Variants in UGT2B11 observed in about 807,000 individuals in gnomAD.
UGT2B11 encodes UDP-glucuronosyltransferase 2B11.
UGT2B11 carries 49 observed loss-of-function variants against 51.7 expected under a neutral mutation model. The ratio of observed to expected loss-of-function variants is 0.95; its 90% CI spans 0.75 to 1.20. UGT2B11 has a LOEUF of 1.20. UGT2B11 is among the 50% of genes most tolerant of loss of function. The pLI is 0.00. For missense variants in UGT2B11, 810 were observed against 622.1 expected, an observed-to-expected ratio of 1.30 and a Z score of -3.21; for synonymous variants, 273 against 209.0, an observed-to-expected ratio of 1.31 and a Z score of -2.64.
intron 5 of UGT2B11, among the ~76,000 whole-genome samples, chr4:69,201,010 T>A (rs1008328954): frequency 6.6e-6 from 1 of 151,776 alleles, no homozygotes; most frequent in African/African-American, 2.4e-5. Context: ...TGTTTAATGT[T>A]AAGTTTTTGT....
At chr4:69,211,425 A>C (rs1197603308) in intron 2 of UGT2B11, among the ~76,000 whole-genome samples, 1 of 151,548 alleles carries the variant, frequency 6.6e-6, no homozygotes, top group African/African-American at 2.4e-5. Flanking sequence ...TTGCAAGAGA[A>C]TATAACCTTG....
At chr4:69,204,840 C>G (rs1240695391) in intron 4 of UGT2B11, among the ~76,000 whole-genome samples, 191 bp from the exon 5 acceptor site, 1 of 151,700 alleles carries the variant, frequency 6.6e-6, no homozygotes, top group South Asian at 2.1e-4. Context: ...TGTGTGACTT[C>G]AGACTGCAAA....
upstream of UGT2B11, chr4:69,214,789 T>C (rs1272511898): frequency 1.3e-6 from 2 of 1,545,190 alleles, no homozygotes; most frequent in Non-Finnish European, 1.7e-6. Context: ...CAGAGATAAA[T>C]CAATCAAGTT....
intron 3 of UGT2B11, among the ~76,000 whole-genome samples, chr4:69,206,366 CAT>C (rs1306657310): frequency 2.6e-5 from 4 of 151,588 alleles, no homozygotes; most frequent in African/African-American, 9.7e-5. Flanking sequence ...AGGAAACTAA[CAT>C]AGGAATTGAA....
intron 3 of UGT2B11, among the ~76,000 whole-genome samples, chr4:69,207,310 T>A (rs1318117676): frequency 6.6e-6 from 1 of 151,606 alleles, no homozygotes; most frequent in Admixed American, 6.6e-5. Context: ...TAATTTGCAG[T>A]GTTTAACTTT....
upstream of UGT2B11, chr4:69,215,837 A>G (rs1470271685): frequency 6.6e-6 from 1 of 151,498 alleles, no homozygotes; most frequent in Non-Finnish European, 1.5e-5. Flanking sequence ...ACACACTCCA[A>G]CAGACCCAAA....
At chr4:69,221,267 T>G in the UGT2B11 span, among the ~76,000 whole-genome samples, 1 of 152,196 alleles carries the variant, frequency 6.6e-6, no homozygotes, top group African/African-American at 2.4e-5. Context: ...GTTTTTGTAT[T>G]CCTAGAATTG....
At chr4:69,220,988 T>C in the UGT2B11 span, among the ~76,000 whole-genome samples, 5 of 152,204 alleles carry the variant, frequency 3.3e-5, no homozygotes, top group African/African-American at 1.2e-4. Context: ...AGGTTATGCC[T>C]CCAATTCCAG....
chr4:69,223,144 G>A, the UGT2B11 span, among the ~76,000 whole-genome samples: 1 of 152,296 alleles, frequency 6.6e-6, no homozygotes, highest in Admixed American at 6.5e-5. Flanking sequence ...TCCCTCAGGG[G>A]ACCACGTTTC....
chr4:69,219,713 A>T (rs1722364228), upstream of UGT2B11, among the ~76,000 whole-genome samples: 1 of 151,880 alleles, frequency 6.6e-6, no homozygotes, highest in Non-Finnish European at 1.5e-5. Flanking sequence ...AGATCTCAAG[A>T]CACTTATTCA....
rs1721605820 is a variant in UGT2B11 at position 69,200,406 on chromosome 4, T to A, written c.*34A>T. The A allele has an allele frequency of 6.3e-7, 1 of 1,582,416 alleles. No homozygotes were observed. Among genetic ancestry groups the A allele is most frequent in the African/African-American group, 1.4e-5 (1 of 73,710 alleles). ...TGGAATAAACTGAAGTTGTCCTATC[T>A]ATCTGGTTTTCCAGCTTCAAATGTC... is the stretch of plus-strand genomic sequence containing the variant. On this transcript the variant is annotated 3_prime_UTR_variant, in exon 6 of 6. Coordinates refer to ENST00000446444, the MANE Select transcript of UGT2B11 (RefSeq NM_001073.3).
intron 3 of UGT2B11, among the ~76,000 whole-genome samples, chr4:69,207,546 C>A (rs1721905847): frequency 6.6e-6 from 1 of 151,626 alleles, no homozygotes; most frequent in Admixed American, 6.6e-5. Flanking sequence ...CCTATATTTC[C>A]TTCTGCTGCC....
chr4:69,203,806 A>G (rs1361242458), intron 5 of UGT2B11, among the ~76,000 whole-genome samples: 1 of 151,710 alleles, frequency 6.6e-6, no homozygotes, highest in Non-Finnish European at 1.5e-5. Context: ...TAACTTATAG[A>G]GAAAGAAAAC....
In UGT2B11 at chr4:69,204,671, C is replaced by A. The variant is rs769543263; in HGVS notation, c.1091-22G>T. 2.9e-5 allele frequency: 46 copies of A among 1,609,970 alleles called. No individual in the cohort carries two copies. In the African/African-American group the frequency reaches 3.6e-4, roughly 13 times the overall value. On this transcript the variant is annotated intron_variant, in intron 4 of 5. Coordinates refer to ENST00000446444, the MANE Select transcript of UGT2B11 (RefSeq NM_001073.3). ...TGACCTAGGATTGGATGAATTTTAG[C>A]AAAATTATTCATAGGAATAAAATGA... is the stretch of plus-strand genomic sequence containing the variant.
chr4:69,222,675 G>A, the UGT2B11 span, among the ~76,000 whole-genome samples: 2 of 152,220 alleles, frequency 1.3e-5, no homozygotes, highest in African/African-American at 2.4e-5. Flanking sequence ...AACTGTCCAT[G>A]TGAGATCAAA....
chr4:69,217,956 A>G (rs867710520), upstream of UGT2B11, among the ~76,000 whole-genome samples: 53 of 152,208 alleles, frequency 3.5e-4, no homozygotes, highest in African/African-American at 1.1e-3. Context: ...GAATGGAATT[A>G]ATTCCACTAA....
the UGT2B11 span, among the ~76,000 whole-genome samples, chr4:69,221,728 G>C: frequency 6.6e-6 from 1 of 152,194 alleles, no homozygotes; most frequent in East Asian, 1.9e-4. Context: ...GTCATCTGGG[G>C]CAAGAGGTTA....
At chr4:69,221,605 C>G in the UGT2B11 span, among the ~76,000 whole-genome samples, 1 of 130,332 alleles carries the variant, frequency 7.7e-6, no homozygotes, top group African/African-American at 2.8e-5. Flanking sequence ...TCAGGCATTA[C>G]AAGAAAGGCA....
chr4:69,200,763 T>C, intron 5 of UGT2B11, 44 bp from the exon 6 acceptor site: 1 of 1,567,266 alleles, frequency 6.4e-7, no homozygotes, highest in Non-Finnish European at 8.6e-7. Flanking sequence ...AGTAAGTTAA[T>C]TTGCCTGTAC....
Sources: gnomAD v4.1 joint callset for allele counts (sites outside exome capture counted in the v4.1 genomes callset) on GRCh38, gnomAD v4.1.1 for gene constraint, MANE v1.5 for transcripts, NCBI Gene and HGNC (gene_info 2026-07-23, HGNC 2026-07-21) for gene names.